Variants in DOCK10 observed in about 807,000 individuals in gnomAD.
DOCK10 encodes dedicator of cytokinesis 10.
DOCK10 carries 145 observed loss-of-function variants against 280.1 expected under a neutral mutation model. That is an observed-to-expected ratio of 0.52 (90% CI 0.45 to 0.59). The LOEUF (loss-of-function observed/expected upper bound fraction) is 0.59, where lower values mean the gene tolerates loss of function less well. Among genes scored for constraint, DOCK10 ranks in the 20% least tolerant of loss-of-function variants. DOCK10 has a pLI of 0.00. For synonymous variants in DOCK10, 915 were observed against 942.2 expected (o/e 0.97, Z 0.53); for missense variants, 2,368 against 2,651.7 (o/e 0.89, Z 2.35).
intron 50 of DOCK10, among the ~76,000 whole-genome samples, chr2:224,784,263 G>GA (rs968940620): frequency 2.6e-5 from 4 of 152,098 alleles, no homozygotes; most frequent in African/African-American, 9.7e-5. Flanking sequence ...CACTCCTTCA[G>GA]AAAAAACACA....
At chr2:224,832,051 TATCTC>T (rs1695274923) in intron 26 of DOCK10, among the ~76,000 whole-genome samples, 2 of 152,184 alleles carry the variant, frequency 1.3e-5, no homozygotes, top group East Asian at 1.9e-4. Context: ...GGGTGACACT[TATCTC>T]AGCTACAAAA....
In DOCK10 at chr2:224,796,394, A is replaced by G. The variant is rs1258889572; in HGVS notation, c.4860T>C (p.Asp1620=). The stretch of plus-strand genomic sequence containing the variant: ...GAAACCGAGAGCCTCCAATCCCAGC[A>G]TCGGCTATTAACTGGCTCACAGCTT... The part of the protein sequence containing the change: ...LIKAVSQLIA[D]AGIGGSRFQH... The change falls in exon 44 of 56, where the codon GAT becomes GAC. Residue 1620 remains aspartate (D), a synonymous_variant. Transcript: ENST00000258390. 5 of 1,569,310 alleles carry G rather than the reference A, an allele frequency of 3.2e-6. No homozygotes were observed. The highest frequency in any genetic ancestry group is 2.7e-5 in the African/African-American group (2 of 74,022).
chr2:224,885,575 C>A (rs1699227662), intron 7 of DOCK10, 96 bp downstream of exon 7: 1 of 1,204,454 alleles, frequency 8.3e-7, no homozygotes, highest in Admixed American at 3.3e-5. Context: ...GAATCTAGAG[C>A]AGCTCTTGGC....
chr2:224,881,871 C>A (rs1269677309), intron 7 of DOCK10, among the ~76,000 whole-genome samples: 1 of 152,334 alleles, frequency 6.6e-6, no homozygotes, highest in Middle Eastern at 3.4e-3. Context: ...TGTAGGCAGG[C>A]ATTCTCCACG....
intron 4 of DOCK10, among the ~76,000 whole-genome samples, chr2:224,895,841 GTATATA>G (rs71410338): frequency 2.2e-5 from 3 of 136,094 alleles, no homozygotes. Context: ...GCGTGTGTGT[GTATATA>G]TATATATATA....
At chr2:224,989,291 G>A (rs992898692) in intron 1 of DOCK10, among the ~76,000 whole-genome samples, 1 of 152,196 alleles carries the variant, frequency 6.6e-6, no homozygotes, top group African/African-American at 2.4e-5. Flanking sequence ...CATGTGATGG[G>A]AAGAAACATG....
intron 1 of DOCK10, among the ~76,000 whole-genome samples, chr2:225,009,546 G>A (rs940639983): frequency 6.6e-6 from 1 of 151,706 alleles, no homozygotes; most frequent in Admixed American, 6.6e-5. Context: ...TTTCACCTGG[G>A]TGGCTCTTGG....
intron 1 of DOCK10, among the ~76,000 whole-genome samples, chr2:224,979,103 T>G (rs893933335): frequency 6.6e-6 from 1 of 152,212 alleles, no homozygotes; most frequent in Non-Finnish European, 1.5e-5. Context: ...ATGGTCTCCC[T>G]GCTTTGACCC....
At chr2:225,013,022 C>T (rs16866466) in intron 1 of DOCK10, among the ~76,000 whole-genome samples, 9,987 of 152,140 alleles carry the variant, frequency 0.066, 626 homozygotes, top group East Asian at 0.23. Flanking sequence ...TGTTATTTCC[C>T]TGTAATCAGG....
chr2:224,864,370 C>T lies in DOCK10; in HGVS notation c.1602+183G>A, dbSNP rs993543970. 1.2e-4 allele frequency among the ~76,000 whole-genome samples: 19 copies of T among 152,136 alleles called. 1 individual carries two copies. Among genetic ancestry groups the T allele is most frequent in the South Asian group, 1.0e-3 (5 of 4,816 alleles). On this transcript the variant is annotated intron_variant, in intron 13 of 55. Transcript: ENST00000258390. ...TATAAAATACAAAAAATTAGCTGGG[C>T]GTGGTGGCATGCACCTCTAATCCCA...
intron 1 of DOCK10, among the ~76,000 whole-genome samples, chr2:224,974,045 C>T (rs1705252563): frequency 6.6e-6 from 1 of 152,144 alleles, no homozygotes; most frequent in Admixed American, 6.6e-5. Flanking sequence ...CCAAAGGATG[C>T]AGTTTTAAGG....
At chr2:224,829,147 C>G (rs1239384576) in intron 27 of DOCK10, among the ~76,000 whole-genome samples, 1 of 152,210 alleles carries the variant, frequency 6.6e-6, no homozygotes, top group Non-Finnish European at 1.5e-5. Flanking sequence ...CTGTTGCACA[C>G]AGAATCTGAG....
rs1704390033 is a variant in DOCK10 at position 224,961,412 on chromosome 2, C to CTCATTCTT, written c.124-29745_124-29744insAAGAATGA. ...ATAGCAGCATTTTCTTTCTTTCTTT[C>CTCATTCTT]TCTTTCTTTCTTTCTTTCTTTCTTT... On this transcript the variant is annotated intron_variant, in intron 1 of 55. Coordinates refer to ENST00000258390, the MANE Select transcript of DOCK10 (RefSeq NM_014689.3). 5.9e-5 allele frequency among the ~76,000 whole-genome samples: 7 copies of CTCATTCTT among 119,382 alleles called. No individual in the cohort carries two copies. In the Admixed American group the frequency reaches 6.2e-4, roughly 11 times the overall value. The allele number at this position is 119,382 out of a possible 152,430, so 78.3% of individuals were successfully genotyped here. A position where few individuals can be genotyped will look rare whatever the true frequency, so the allele number is the denominator to read the frequency against.
intron 1 of DOCK10, among the ~76,000 whole-genome samples, chr2:224,988,893 T>C (rs1706049767): frequency 6.6e-6 from 1 of 152,228 alleles, no homozygotes; most frequent in African/African-American, 2.4e-5. Flanking sequence ...ATATTTAGAA[T>C]ACAGAAACGT....
intron 1 of DOCK10, among the ~76,000 whole-genome samples, chr2:225,022,392 C>G (rs1689805156): frequency 6.6e-6 from 1 of 152,186 alleles, no homozygotes; most frequent in Non-Finnish European, 1.5e-5. Context: ...CACCTATTCC[C>G]TGAAGGTTTA....
At chr2:224,863,660 G>T (rs1018265033) in intron 13 of DOCK10, among the ~76,000 whole-genome samples, 9 of 152,028 alleles carry the variant, frequency 5.9e-5, no homozygotes, top group African/African-American at 9.7e-5. Context: ...CACCATGTTA[G>T]CCAGGATGGT....
chr2:225,019,545 G>A (rs1444502760), intron 1 of DOCK10, among the ~76,000 whole-genome samples: 1 of 148,876 alleles, frequency 6.7e-6, no homozygotes, highest in African/African-American at 2.5e-5. Flanking sequence ...ACCCATTTCT[G>A]GTGCTCCTGG....
At chr2:224,973,313 A>G (rs1008818323) in intron 1 of DOCK10, among the ~76,000 whole-genome samples, 1 of 152,220 alleles carries the variant, frequency 6.6e-6, no homozygotes, top group African/African-American at 2.4e-5. Flanking sequence ...AGCAGAGGGT[A>G]ATCCAGGCTG....
chr2:224,791,834 AATGAATAAGGG>A (rs1376758162), intron 47 of DOCK10, among the ~76,000 whole-genome samples: 1 of 152,174 alleles, frequency 6.6e-6, no homozygotes, highest in Non-Finnish European at 1.5e-5. Flanking sequence ...CAAATATTTA[AATGAATAAGGG>A]ATGAATTATG....
Sources: allele counts gnomAD v4.1 joint callset (sites outside exome capture counted in the v4.1 genomes callset), GRCh38; gene constraint gnomAD v4.1.1; transcripts MANE v1.5; gene names NCBI Gene and HGNC (gene_info 2026-07-23, HGNC 2026-07-21).